Variants in ADGRG6 observed in about 807,000 individuals in gnomAD.
ADGRG6 encodes G-protein coupled receptor 126.
ADGRG6 carries 84 observed loss-of-function variants against 142.4 expected under a neutral mutation model. The observed-to-expected ratio is 0.59, with a 90% CI of 0.49 to 0.71. The LOEUF is 0.71. Ranked by LOEUF, ADGRG6 falls within the 30% of genes least tolerant of loss-of-function variation. The probability of loss-of-function intolerance (pLI) is 0.00; values close to 1 mark genes in which losing one functional copy is unlikely to be tolerated. For synonymous variants in ADGRG6, 521 were observed against 520.5 expected, an observed-to-expected ratio of 1.00 and a Z score of -0.01; for missense variants, 1,367 against 1,466.6, an observed-to-expected ratio of 0.93 and a Z score of 1.11.
In ADGRG6 at chr6:142,382,190, C is replaced by T. The variant is rs529400541; in HGVS notation, c.1138+171C>T. On this transcript the variant is annotated intron_variant, in intron 5 of 24. Transcript: ENST00000367609. ...TAGTTGTGTGGGTGCACAGTACGTA[C>T]GGCATGGAGAAAGAATGCATTCACA... 5.3e-5 allele frequency among the ~76,000 whole-genome samples: 8 copies of T among 152,100 alleles called. No homozygotes were observed. The East Asian group carries it at 5.8e-4, about 11-fold the overall frequency.
chr6:142,335,530 T>C (rs1779269387), intron 2 of ADGRG6, among the ~76,000 whole-genome samples: 1 of 152,120 alleles, frequency 6.6e-6, no homozygotes, highest in South Asian at 2.1e-4. Flanking sequence ...GAGAAAAGCT[T>C]TGGAGGGCAT....
chr6:142,312,169 ATAGC>A (rs1467003613), intron 2 of ADGRG6, among the ~76,000 whole-genome samples: 1 of 152,002 alleles, frequency 6.6e-6, no homozygotes, highest in East Asian at 1.9e-4. Flanking sequence ...TTTGACTGTG[ATAGC>A]TAGGTTAGGA....
At chr6:142,305,346 G>A (rs549597995) in intron 1 of ADGRG6, among the ~76,000 whole-genome samples, 5 of 150,696 alleles carry the variant, frequency 3.3e-5, no homozygotes, top group Non-Finnish European at 5.9e-5. Flanking sequence ...CTTTTACCCA[G>A]AATCACCTAT....
chr6:142,358,797 C>T (rs1230236666), intron 2 of ADGRG6, among the ~76,000 whole-genome samples: 1 of 151,758 alleles, frequency 6.6e-6, no homozygotes. Context: ...CCTAACTACT[C>T]GGGAGGCTGA....
intron 2 of ADGRG6, among the ~76,000 whole-genome samples, chr6:142,328,659 T>G (rs573901803): frequency 2.0e-5 from 3 of 152,322 alleles, no homozygotes; most frequent in Non-Finnish European, 4.4e-5. Flanking sequence ...CAGTGGTTTT[T>G]CAAGTGAAGT....
Position 142,383,830 on chromosome 6 carries a change from TA to T in ADGRG6, c.1212del (p.Lys404AsnfsTer13). ...TNMPVTNRID[K>X]QRNDGIIYRI... The stretch of plus-strand genomic sequence containing the variant: ...ACATGCCTGTTACTAACAGAATCGA[TA>T]AACAAAGGAATGGTAAGAAATCATT... On this transcript the variant is annotated frameshift_variant, in exon 6 of 25. Coordinates refer to ENST00000367609, the MANE Select transcript of ADGRG6 (RefSeq NM_198569.3). LOFTEE classifies it high-confidence loss of function. The T allele has an allele frequency of 6.5e-7, 1 of 1,531,614 alleles. No homozygotes were observed. The highest frequency in any genetic ancestry group is 9.0e-7 in the Non-Finnish European group (1 of 1,105,580). The allele number at this position is 1,531,614 out of a possible 1,614,324, so 94.9% of individuals were successfully genotyped here. A position where few individuals can be genotyped will look rare whatever the true frequency, so the allele number is the denominator to read the frequency against.
chr6:142,398,044 G>C (rs916682522), intron 10 of ADGRG6, among the ~76,000 whole-genome samples: 3 of 152,092 alleles, frequency 2.0e-5, no homozygotes, highest in Admixed American at 2.0e-4. Context: ...GATCATCACT[G>C]TTGTCAACTT....
chr6:142,433,697 G>T (rs1025510112), intron 22 of ADGRG6, among the ~76,000 whole-genome samples: 3 of 152,154 alleles, frequency 2.0e-5, no homozygotes, highest in African/African-American at 7.2e-5. Flanking sequence ...CCTTCACGAG[G>T]TGCTTGTTTG....
At chr6:142,410,416 C>T (rs1054422461) in intron 17 of ADGRG6, among the ~76,000 whole-genome samples, 1 of 151,896 alleles carries the variant, frequency 6.6e-6, no homozygotes, top group Non-Finnish European at 1.5e-5. Context: ...GATGAAGAGC[C>T]TGCAGAATTA....
chr6:142,313,713 TATC>T lies in ADGRG6; in HGVS notation c.103+4072_103+4074del, dbSNP rs542988910. Reference sequence around the variant, plus strand: ...TGTTTGTTTATGTGTTAATTTTTCTTATCATAAAATGAACAGTTATTTAGTAGT... The same window carrying T: ...TGTTTGTTTATGTGTTAATTTTTCTTATAAAATGAACAGTTATTTAGTAGT... On this transcript the variant is annotated intron_variant, in intron 2 of 24. Coordinates refer to ENST00000367609, the MANE Select transcript of ADGRG6 (RefSeq NM_198569.3). Among the ~76,000 whole-genome samples, 751 of 152,304 alleles carry T rather than the reference TATC, an allele frequency of 4.9e-3. 1 individual carries two copies. The highest frequency in any genetic ancestry group is 6.8e-3 in the Non-Finnish European group (462 of 68,022).
At chr6:142,349,208 A>G (rs1780044409) in intron 2 of ADGRG6, among the ~76,000 whole-genome samples, 1 of 152,230 alleles carries the variant, frequency 6.6e-6, no homozygotes, top group Admixed American at 6.5e-5. Context: ...AAATAACCAG[A>G]TGTTGCAGAT....
In ADGRG6 at chr6:142,446,072, G is replaced by T. The variant is rs1179123661; in HGVS notation, c.*2557G>T. 3.3e-5 allele frequency: 5 copies of T among 152,516 alleles called. No individual in the cohort carries two copies. The highest frequency in any genetic ancestry group is 1.2e-4 in the African/African-American group (5 of 41,406). The allele number at this position is 152,516 out of a possible 1,614,324, so 9.4% of individuals were successfully genotyped here. A position where few individuals can be genotyped will look rare whatever the true frequency, so the allele number is the denominator to read the frequency against. Reference sequence around the variant, plus strand: ...GTTTTAATTAACTTTCTATTAGAGAGACTGTATATATTTTTTCTAAATACT... The same window carrying T: ...GTTTTAATTAACTTTCTATTAGAGATACTGTATATATTTTTTCTAAATACT... On this transcript the variant is annotated 3_prime_UTR_variant, in exon 25 of 25. Transcript: ENST00000367609.
At position 142,389,941 on chromosome 6, in the gene ADGRG6, A is replaced by C. The variant is rs185302500; in HGVS notation, c.1223-317A>C. 3.5e-4 allele frequency among the ~76,000 whole-genome samples: 53 copies of C among 152,024 alleles called. 2 individuals are homozygous for C. The highest frequency in any genetic ancestry group is 1.3e-3 in the African/African-American group (52 of 41,564). On this transcript the variant is annotated intron_variant, in intron 6 of 24. Coordinates refer to ENST00000367609, the MANE Select transcript of ADGRG6 (RefSeq NM_198569.3). ...AAGAAGTCAAATTGTACATGAAAAC[A>C]GTTAACACATTACAGACAGTAGATA...
rs1343103172 is a variant in ADGRG6, at chr6:142,420,123, G to T, written c.3319+19G>T. The T allele has an allele frequency of 3.8e-6, 6 of 1,583,022 alleles. No homozygotes were observed. Among genetic ancestry groups the T allele is most frequent in the Non-Finnish European group, 5.2e-6 (6 of 1,154,754 alleles). ...TTACAAGGTAAGATAAATTGTACAT[G>T]AATAGTCTCTGCTTTCTAATTTTGT... On this transcript the variant is annotated intron_variant, in intron 22 of 24. Transcript: ENST00000367609.
chr6:142,401,729 G>T (rs73780219), intron 11 of ADGRG6, among the ~76,000 whole-genome samples: 2 of 151,986 alleles, frequency 1.3e-5, no homozygotes, highest in African/African-American at 4.8e-5. Context: ...GAAGAATGAG[G>T]TGGAGAAATG....
intron 2 of ADGRG6, among the ~76,000 whole-genome samples, chr6:142,357,872 A>G (rs1408021842): frequency 6.6e-6 from 1 of 152,250 alleles, no homozygotes; most frequent in Non-Finnish European, 1.5e-5. Flanking sequence ...TCAGTAAGTT[A>G]GATTAATTAA....
intron 6 of ADGRG6, among the ~76,000 whole-genome samples, chr6:142,388,640 AAC>A (rs1782149401): frequency 6.6e-6 from 1 of 152,094 alleles, no homozygotes; most frequent in African/African-American, 2.4e-5. Context: ...AAAATCATCT[AAC>A]ACAGAGTCTA....
At chr6:142,306,211 C>T (rs1777488115) in intron 1 of ADGRG6, among the ~76,000 whole-genome samples, 2 of 152,070 alleles carry the variant, frequency 1.3e-5, no homozygotes, top group Non-Finnish European at 2.9e-5. Flanking sequence ...TTTGGGGAAA[C>T]CAGTAGGAGT....
At chr6:142,398,331 A>G (rs2115002142) in intron 10 of ADGRG6, among the ~76,000 whole-genome samples, 1 of 152,264 alleles carries the variant, frequency 6.6e-6, no homozygotes, top group South Asian at 2.1e-4. Context: ...GGGCTGAGGC[A>G]GGAGGATTAC....
Sources: allele counts gnomAD v4.1 joint callset (sites outside exome capture counted in the v4.1 genomes callset), GRCh38; gene constraint gnomAD v4.1.1; transcripts MANE v1.5; gene names NCBI Gene and HGNC (gene_info 2026-07-23, HGNC 2026-07-21).